Variants in GSDMC observed in about 807,000 individuals in gnomAD.
GSDMC encodes gasdermin-C.
GSDMC carries 59 observed loss-of-function variants against 58.0 expected under a neutral mutation model. The ratio of observed to expected loss-of-function variants is 1.02; its 90% CI spans 0.82 to 1.26. The LOEUF (loss-of-function observed/expected upper bound fraction) is 1.26, where lower values mean the gene tolerates loss of function less well. Ranked by LOEUF, GSDMC falls within the 50% of genes most tolerant of loss-of-function variation. The probability of loss-of-function intolerance (pLI) is 0.00; values close to 1 mark genes in which losing one functional copy is unlikely to be tolerated. For missense variants in GSDMC, 659 were observed against 598.5 expected (o/e 1.10, Z -1.06); for synonymous variants, 241 against 220.2 (o/e 1.09, Z -0.83).
chr8:129,730,366 T>C, the GSDMC span: 1 of 1,284,268 alleles, frequency 7.8e-7, no homozygotes, highest in Non-Finnish European at 1.1e-6. Flanking sequence ...GGAGATTATC[T>C]ACTGGATGAA....
At chr8:129,734,513 G>A in the GSDMC span, among the ~76,000 whole-genome samples, 3 of 152,184 alleles carry the variant, frequency 2.0e-5, no homozygotes, top group Non-Finnish European at 2.9e-5. Context: ...GAGAGTGGGG[G>A]CCAATATCCA....
At chr8:129,761,156 G>A (rs993932650) in intron 5 of GSDMC, among the ~76,000 whole-genome samples, 1 of 152,194 alleles carries the variant, frequency 6.6e-6, no homozygotes, top group African/African-American at 2.4e-5. Context: ...ACGCCTCACT[G>A]TAAAATGGAG....
At chr8:129,777,260 C>T in intron 2 of GSDMC, 108 bp downstream of exon 2, 1 of 679,466 alleles carries the variant, frequency 1.5e-6, no homozygotes, top group Non-Finnish European at 2.5e-6. Context: ...CAAGGCTAAT[C>T]CTGAGAGCTC....
At chr8:129,737,791 C>A in the GSDMC span, among the ~76,000 whole-genome samples, 1 of 152,172 alleles carries the variant, frequency 6.6e-6, no homozygotes, top group Non-Finnish European at 1.5e-5. Context: ...GCAATGGCAA[C>A]AAAAGCCAAA....
chr8:129,739,932 G>C, the GSDMC span, among the ~76,000 whole-genome samples: 1 of 152,138 alleles, frequency 6.6e-6, no homozygotes, highest in Non-Finnish European at 1.5e-5. Flanking sequence ...TGTCCCTGAA[G>C]ACCTTCCAGT....
In GSDMC at chr8:129,760,645, C is replaced by A. The variant is rs1443115807; in HGVS notation, c.677-56G>T. ...GAGTTGAGGTTATTCCTGCCTGAAC[C>A]TAGACCAGGGAACTCCTTATATCAA... On this transcript the variant is annotated intron_variant, in intron 5 of 13. Coordinates refer to ENST00000276708, the MANE Select transcript of GSDMC (RefSeq NM_031415.3). 15 of 995,582 alleles carry A rather than the reference C, an allele frequency of 1.5e-5. No homozygotes were observed. The African/African-American group carries it at 1.6e-4, about 11-fold the overall frequency. 61.7% of individuals were successfully genotyped at this position (995,582 alleles called of 1,614,324 possible). A position where few individuals can be genotyped will look rare whatever the true frequency, so the allele number is the denominator to read the frequency against.
At chr8:129,760,470 G>T in intron 6 of GSDMC, 75 bp downstream of exon 6, 1 of 814,462 alleles carries the variant, frequency 1.2e-6, no homozygotes, top group Non-Finnish European at 2.0e-6. Context: ...AACATCTCAT[G>T]TACCTTATAA....
chr8:129,709,503 T>A, the GSDMC span, among the ~76,000 whole-genome samples: 3 of 151,108 alleles, frequency 2.0e-5, no homozygotes, highest in Admixed American at 6.6e-5. Context: ...AGATGATAGA[T>A]AGACAGATGA....
intron 6 of GSDMC, among the ~76,000 whole-genome samples, chr8:129,754,818 T>C (rs2033362796): frequency 6.6e-6 from 1 of 152,152 alleles, no homozygotes; most frequent in African/African-American, 2.4e-5. Context: ...GCAGTTGACA[T>C]ACTGAAGAAT....
the GSDMC span, among the ~76,000 whole-genome samples, chr8:129,724,376 G>C: frequency 6.6e-6 from 1 of 152,018 alleles, no homozygotes; most frequent in Non-Finnish European, 1.5e-5. Context: ...GGGGTGATTT[G>C]TTATGCAATA....
At chr8:129,772,463 A>G (rs77780946) in intron 3 of GSDMC, among the ~76,000 whole-genome samples, 4,624 of 152,230 alleles carry the variant, frequency 0.03, 235 homozygotes, top group African/African-American at 0.1. Flanking sequence ...TGCCACAGAA[A>G]TAAAAAAGAT....
chr8:129,710,483 G>A, the GSDMC span, among the ~76,000 whole-genome samples: 2 of 152,244 alleles, frequency 1.3e-5, no homozygotes, highest in Admixed American at 1.3e-4. Context: ...GGGGAATCAG[G>A]GTCCTGGGCT....
chr8:129,756,525 G>A (rs553034650), intron 6 of GSDMC, among the ~76,000 whole-genome samples: 2 of 152,212 alleles, frequency 1.3e-5, no homozygotes, highest in South Asian at 4.1e-4. Flanking sequence ...AGAAGCCTGA[G>A]ACTTATTCTG....
chr8:129,725,970 C>G, the GSDMC span, among the ~76,000 whole-genome samples: 3 of 151,998 alleles, frequency 2.0e-5, no homozygotes, highest in Admixed American at 2.0e-4. Context: ...ATGTGTTAAC[C>G]AAGATTCCAA....
At chr8:129,736,174 C>A in the GSDMC span, among the ~76,000 whole-genome samples, 2 of 152,230 alleles carry the variant, frequency 1.3e-5, no homozygotes, top group African/African-American at 4.8e-5. Context: ...CAAAAAAAGT[C>A]CAGGACCAGA....
chr8:129,775,948 G>A (rs1211909103), intron 3 of GSDMC, among the ~76,000 whole-genome samples, 154 bp downstream of exon 3: 1 of 152,148 alleles, frequency 6.6e-6, no homozygotes, highest in Non-Finnish European at 1.5e-5. Flanking sequence ...TGAGTAAAGG[G>A]AGGTATGAAT....
At chr8:129,744,600 C>T (rs2032925569), downstream of GSDMC, among the ~76,000 whole-genome samples, 1 of 152,214 alleles carries the variant, frequency 6.6e-6, no homozygotes, top group African/African-American at 2.4e-5. Flanking sequence ...GCTGACAGCG[C>T]AGCTGTGTTT....
At chr8:129,714,655 AAC>A in the GSDMC span, among the ~76,000 whole-genome samples, 2 of 152,250 alleles carry the variant, frequency 1.3e-5, no homozygotes, top group African/African-American at 4.8e-5. Flanking sequence ...TCAGTAAATA[AAC>A]ACACAGATTT....
At chr8:129,765,252 C>A (rs1050056116) in intron 4 of GSDMC, among the ~76,000 whole-genome samples, 4 of 152,118 alleles carry the variant, frequency 2.6e-5, no homozygotes, top group African/African-American at 9.7e-5. Context: ...ACTTTAACAA[C>A]CGGGGTTTGG....
Sources: gnomAD v4.1 joint callset for allele counts (sites outside exome capture counted in the v4.1 genomes callset) on GRCh38, gnomAD v4.1.1 for gene constraint, MANE v1.5 for transcripts, NCBI Gene and HGNC (gene_info 2026-07-23, HGNC 2026-07-21) for gene names.